Variants in RABGAP1L observed in about 807,000 individuals in gnomAD.
RABGAP1L encodes rab GTPase-activating protein 1-like.
RABGAP1L carries 63 observed loss-of-function variants against 137.7 expected under a neutral mutation model. The observed-to-expected ratio is 0.46, with a 90% CI of 0.37 to 0.56. The LOEUF is 0.56. Among genes scored for constraint, RABGAP1L ranks in the 20% least tolerant of loss-of-function variants. The pLI, the probability that RABGAP1L is intolerant of heterozygous loss-of-function variation, is 0.00. For missense variants in RABGAP1L, 1,095 were observed against 1,244.0 expected, an observed-to-expected ratio of 0.88 and a Z score of 1.80; for synonymous variants, 431 against 433.7, an observed-to-expected ratio of 0.99 and a Z score of 0.08.
At chr1:174,306,466 G>C (rs192587998) in intron 11 of RABGAP1L, among the ~76,000 whole-genome samples, 6 of 152,164 alleles carry the variant, frequency 3.9e-5, no homozygotes, top group African/African-American at 1.4e-4. Context: ...TCTAACTGGT[G>C]TGAGATGGTA....
At chr1:174,167,395 A>T (rs1665002419) in intron 1 of RABGAP1L, among the ~76,000 whole-genome samples, 1 of 152,230 alleles carries the variant, frequency 6.6e-6, no homozygotes, top group Admixed American at 6.5e-5. Flanking sequence ...ATGTATGTGT[A>T]GACATACATA....
intron 18 of RABGAP1L, among the ~76,000 whole-genome samples, chr1:174,780,966 T>A (rs1686957931): frequency 1.3e-5 from 2 of 152,092 alleles, no homozygotes; most frequent in Admixed American, 6.5e-5. Flanking sequence ...ATGCAGTCTA[T>A]CATTGTTGGA....
chr1:174,323,845 A>G (rs1680224282), intron 11 of RABGAP1L, among the ~76,000 whole-genome samples: 1 of 152,172 alleles, frequency 6.6e-6, no homozygotes. Context: ...TGCATTTTTT[A>G]TGATAAATTA....
At chr1:174,833,408 G>A (rs1325076292) in intron 19 of RABGAP1L, among the ~76,000 whole-genome samples, 3 of 67,678 alleles carry the variant, frequency 4.4e-5, no homozygotes, top group Non-Finnish European at 1.0e-4. Flanking sequence ...GTGTATGTGT[G>A]TATGTGTGTG....
At chr1:174,759,496 G>A (rs1396444267) in intron 18 of RABGAP1L, among the ~76,000 whole-genome samples, 1 of 151,610 alleles carries the variant, frequency 6.6e-6, no homozygotes, top group East Asian at 1.9e-4. Flanking sequence ...TTGGGAGGCT[G>A]AGGCAGGAGA....
chr1:174,858,793 A>G (rs917466690), intron 19 of RABGAP1L, among the ~76,000 whole-genome samples: 4 of 152,200 alleles, frequency 2.6e-5, no homozygotes, highest in African/African-American at 9.7e-5. Context: ...AGGAAAACAA[A>G]AAAGAAAGCA....
intron 17 of RABGAP1L, among the ~76,000 whole-genome samples, chr1:174,706,684 A>G (rs1206783816): frequency 2.0e-5 from 3 of 152,192 alleles, no homozygotes; most frequent in African/African-American, 7.2e-5. Flanking sequence ...AAAAAAGAAC[A>G]AAAAGGAACA....
intron 11 of RABGAP1L, among the ~76,000 whole-genome samples, chr1:174,370,663 GAAC>G (rs1396996338): frequency 6.6e-6 from 1 of 151,294 alleles, no homozygotes; most frequent in Admixed American, 6.6e-5. Context: ...CTGGTGAGTA[GAAC>G]ACCATATGGG....
intron 12 of RABGAP1L, among the ~76,000 whole-genome samples, chr1:174,386,983 G>A (rs2149064729): frequency 6.6e-6 from 1 of 150,628 alleles, no homozygotes; most frequent in South Asian, 2.1e-4. Flanking sequence ...TAAATAAACA[G>A]TCAAATAGAG....
chr1:174,225,494 C>CTT (rs59323156), intron 3 of RABGAP1L, among the ~76,000 whole-genome samples: 23,999 of 105,384 alleles, frequency 0.23, 2,784 homozygotes, highest in Non-Finnish European at 0.28. Flanking sequence ...AGAATGTTGA[C>CTT]TTTTTTTTTT....
At chr1:174,618,619 A>T (rs1456539800) in intron 13 of RABGAP1L, among the ~76,000 whole-genome samples, 1 of 152,244 alleles carries the variant, frequency 6.6e-6, no homozygotes, top group African/African-American at 2.4e-5. Context: ...CAGAAAGGAC[A>T]TCCACACCAA....
chr1:174,765,209 A>C (rs932076133), intron 18 of RABGAP1L, among the ~76,000 whole-genome samples: 4 of 152,044 alleles, frequency 2.6e-5, no homozygotes, highest in African/African-American at 9.7e-5. Flanking sequence ...TATTATAGCC[A>C]CCTTAGTGGA....
chr1:174,327,412 G>A (rs984173401), intron 11 of RABGAP1L, among the ~76,000 whole-genome samples: 13 of 151,658 alleles, frequency 8.6e-5, no homozygotes, highest in Admixed American at 2.0e-4. Context: ...TGTTTTTTTT[G>A]AACAAAATTG....
Position 174,790,427 on chromosome 1 carries a change from C to T in RABGAP1L, c.2212-21405C>T, listed in dbSNP as rs541687284. ...TCACCTGAGGTCAGGAGTTCGAGACCAGCCTGACCAACATGGTGAAACCCC... is the reference window on the plus strand; with the variant it reads ...TCACCTGAGGTCAGGAGTTCGAGACTAGCCTGACCAACATGGTGAAACCCC... On this transcript the variant is annotated intron_variant, in intron 18 of 25. Transcript: ENST00000681986. Among the ~76,000 whole-genome samples, 8 of 152,004 alleles carry T rather than the reference C, an allele frequency of 5.3e-5. No individual in the cohort carries two copies. The South Asian group carries it at 1.7e-3, about 32-fold the overall frequency.
intron 13 of RABGAP1L, among the ~76,000 whole-genome samples, chr1:174,539,292 T>G (rs571108542): frequency 6.6e-6 from 1 of 152,242 alleles, no homozygotes; most frequent in African/African-American, 2.4e-5. Context: ...TTTCTTTTTT[T>G]TATTATTTTC....
chr1:174,415,199 TAAC>T (rs2149142877), intron 13 of RABGAP1L, among the ~76,000 whole-genome samples: 1 of 152,250 alleles, frequency 6.6e-6, no homozygotes, highest in South Asian at 2.1e-4. Context: ...GTTAAAATAA[TAAC>T]TATACCATTT....
intron 17 of RABGAP1L, among the ~76,000 whole-genome samples, chr1:174,737,345 AG>A (rs1683043370): frequency 6.6e-6 from 1 of 152,168 alleles, no homozygotes. Context: ...CCTAGGACTC[AG>A]ACACGATGCA....
At position 174,978,816 on chromosome 1, in the gene RABGAP1L, G is replaced by T. The variant is rs1265747578; in HGVS notation, c.2659G>T (p.Val887Phe). ...ATTCTATTCTTTCTAGCTAAAAGAA[G>T]TCTTCAGGAAACAGCTAGAGAAGGC... is the stretch of plus-strand genomic sequence containing the variant. The part of the protein sequence containing the change: ...QEEETAQLKE[V>F]FRKQLEKAEY... Residue 887 changes from valine to phenylalanine, a missense_variant, in exon 23 of 26, where the codon GTC becomes TTC. By Grantham distance (50) the Val-to-Phe change is conservative (BLOSUM62 -1). Around this residue, in one of 4 missense-constraint regions of RABGAP1L, gnomAD observed 312 missense variants for 435.6 expected, o/e 0.72. Coordinates refer to ENST00000681986, the MANE Select transcript of RABGAP1L (RefSeq NM_001366446.1). The T allele has an allele frequency of 9.1e-6, 14 of 1,534,088 alleles. No individual in the cohort carries two copies. Among genetic ancestry groups the T allele is most frequent in the Non-Finnish European group, 1.2e-5 (14 of 1,142,304 alleles).
At chr1:174,174,710 C>G (rs189945722) in intron 1 of RABGAP1L, among the ~76,000 whole-genome samples, 122 of 152,322 alleles carry the variant, frequency 8.0e-4, no homozygotes, top group Admixed American at 2.4e-3. Context: ...ACCTGAAGTT[C>G]TGAGGTCAGA....
Sources: allele counts gnomAD v4.1 joint callset (sites outside exome capture counted in the v4.1 genomes callset), GRCh38; gene constraint gnomAD v4.1.1; regional missense constraint gnomAD v4.1.1; transcripts MANE v1.5; gene names NCBI Gene and HGNC (gene_info 2026-07-23, HGNC 2026-07-21).